The following INO80 variants were observed in gnomAD, a reference collection of about 807,000 sequenced individuals.
INO80 encodes INO80 complex ATPase subunit.
INO80 carries 20 observed loss-of-function variants against 203.4 expected under a neutral mutation model. That is an observed-to-expected ratio of 0.10 (90% CI 0.07 to 0.14). The LOEUF is 0.14. INO80 is among the 10% of genes least tolerant of loss of function. INO80 has a pLI of 1.00. For missense variants in INO80, 1,419 were observed against 1,914.4 expected, an observed-to-expected ratio of 0.74 and a Z score of 4.83; for synonymous variants, 726 against 685.2, an observed-to-expected ratio of 1.06 and a Z score of -0.93.
At chr15:40,992,531 C>G (rs1439886449) in intron 29 of INO80, among the ~76,000 whole-genome samples, 1 of 152,204 alleles carries the variant, frequency 6.6e-6, no homozygotes, top group African/African-American at 2.4e-5. Flanking sequence ...TGATTAATCT[C>G]TTCCTTGTCC....
chr15:41,007,002 A>G (rs1375848377), intron 27 of INO80, among the ~76,000 whole-genome samples: 2 of 152,106 alleles, frequency 1.3e-5, no homozygotes, highest in African/African-American at 2.4e-5. Context: ...AAATGATAGC[A>G]AGATGATGGT....
At chr15:41,055,139 T>A in intron 18 of INO80, 108 bp downstream of exon 18, 1 of 578,714 alleles carries the variant, frequency 1.7e-6, no homozygotes. Flanking sequence ...CCCCGCTGAT[T>A]TGTCTATGTA....
intron 25 of INO80, chr15:41,023,190 C>T (rs920159361): frequency 8.4e-5 from 36 of 430,684 alleles, no homozygotes; most frequent in South Asian, 5.9e-4. Flanking sequence ...TGAGCATGGG[C>T]AAATAAATAT....
intron 28 of INO80, among the ~76,000 whole-genome samples, chr15:41,003,808 C>T (rs2043999657): frequency 6.6e-6 from 1 of 152,154 alleles, no homozygotes; most frequent in South Asian, 2.1e-4. Context: ...ATACCTATTA[C>T]TTAATGGCTT....
chr15:40,993,097 G>A (rs148446659), intron 29 of INO80, among the ~76,000 whole-genome samples: 3 of 152,200 alleles, frequency 2.0e-5, no homozygotes, highest in African/African-American at 7.2e-5. Flanking sequence ...GCCCAGCCTA[G>A]AGCCCCTTTC....
intron 27 of INO80, among the ~76,000 whole-genome samples, chr15:41,007,765 C>A (rs76099662): frequency 6.1e-3 from 822 of 134,280 alleles, no homozygotes; most frequent in Middle Eastern, 0.015. Flanking sequence ...TAAATAGCTT[C>A]AAAAAAAAAA....
At chr15:41,072,124 A>G (rs1190791771) in intron 11 of INO80, 66 bp from the exon 12 acceptor site, 6 of 1,082,720 alleles carry the variant, frequency 5.5e-6, no homozygotes, top group Non-Finnish European at 7.9e-6. Flanking sequence ...TGAAAATAAG[A>G]CTCAAGATAA....
chr15:41,055,851 A>G (rs1368171437), intron 17 of INO80, among the ~76,000 whole-genome samples: 1 of 152,132 alleles, frequency 6.6e-6, no homozygotes, highest in Non-Finnish European at 1.5e-5. Flanking sequence ...TTATTACACA[A>G]GCAAAGTTGA....
At position 41,095,928 on chromosome 15, in the gene INO80, A is replaced by G; in HGVS notation, c.144T>C (p.Ser48=). The G allele has an allele frequency of 1.2e-6, 2 of 1,612,636 alleles. No homozygotes were observed. The highest frequency in any genetic ancestry group is 1.7e-6 in the Non-Finnish European group (2 of 1,178,870). The change falls in exon 3 of 36, where the codon AGT becomes AGC. Residue 48 remains serine (S), a splice_region_variant and synonymous_variant. Transcript: ENST00000648947. ...CATCCAGTCCATCTTCACTGTCATC[A>G]CTATAAATTGAAGAATGAGTCCACA... ...TSAIFNRNIS[S]DDSEDGLDDS... is the part of the protein sequence containing the mutation.
chr15:40,987,762 GTTGGACTTTCTGT>G (rs1451041309), intron 30 of INO80, 41 bp downstream of exon 30: 7 of 1,529,904 alleles, frequency 4.6e-6, no homozygotes, highest in Non-Finnish European at 6.3e-6. Flanking sequence ...AGTCAATGTG[GTTGGACTTTCTGT>G]TTGCTCCACC....
rs1430813307 is a variant in INO80, at chr15:41,072,553, T to C, written c.1396-495A>G. Reference sequence around the variant, plus strand: ...GGCCAACATGGTGAAACCCCGTCTCTACTAAAATAAAAAAAATTAGCTGGG... The same window carrying C: ...GGCCAACATGGTGAAACCCCGTCTCCACTAAAATAAAAAAAATTAGCTGGG... On this transcript the variant is annotated intron_variant, in intron 11 of 35. Coordinates refer to ENST00000648947, the MANE Select transcript of INO80 (RefSeq NM_017553.3). Among the ~76,000 whole-genome samples, 7 of 145,594 alleles carry C rather than the reference T, an allele frequency of 4.8e-5. No homozygotes were observed. The South Asian group carries it at 8.6e-4, about 18-fold the overall frequency.
At chr15:41,110,637 C>T (rs1423982429) in intron 1 of INO80, among the ~76,000 whole-genome samples, 3 of 152,112 alleles carry the variant, frequency 2.0e-5, no homozygotes, top group South Asian at 2.1e-4. Context: ...TGGCATATTG[C>T]CCAGGCTGGT....
intron 1 of INO80, among the ~76,000 whole-genome samples, chr15:41,114,696 G>A (rs568234431): frequency 1.6e-4 from 23 of 146,880 alleles, no homozygotes; most frequent in East Asian, 5.9e-4. Context: ...ACGACAGAGC[G>A]AGACTCAGTC....
intron 14 of INO80, among the ~76,000 whole-genome samples, chr15:41,067,746 C>T (rs1242256590): frequency 6.6e-6 from 1 of 152,140 alleles, no homozygotes; most frequent in Non-Finnish European, 1.5e-5. Flanking sequence ...CTACAGGAAA[C>T]CCATCACTAT....
chr15:41,025,499 G>A (rs1414031840), intron 25 of INO80, among the ~76,000 whole-genome samples: 1 of 152,154 alleles, frequency 6.6e-6, no homozygotes, highest in East Asian at 1.9e-4. Flanking sequence ...AGGATCACAT[G>A]AGGTTAGGAG....
At chr15:41,033,692 G>A (rs1363911220) in intron 24 of INO80, among the ~76,000 whole-genome samples, 1 of 152,052 alleles carries the variant, frequency 6.6e-6, no homozygotes, top group African/African-American at 2.4e-5. Context: ...GCTAGTTTTT[G>A]TTCTACAAAC....
At chr15:40,982,839 G>C (rs1489381365) in intron 35 of INO80, 23 bp downstream of exon 35, 1 of 1,586,152 alleles carries the variant, frequency 6.3e-7, no homozygotes, top group East Asian at 2.2e-5. Flanking sequence ...AACAAAGTCT[G>C]CAGCCACCCT....
chr15:41,010,997 A>C (rs964743423), intron 27 of INO80, among the ~76,000 whole-genome samples: 1 of 152,246 alleles, frequency 6.6e-6, no homozygotes, highest in Non-Finnish European at 1.5e-5. Flanking sequence ...TGACAGCCGT[A>C]ATTCCCTTAT....
chr15:41,061,434 G>A (rs1006088576), intron 14 of INO80, among the ~76,000 whole-genome samples: 11 of 136,658 alleles, frequency 8.0e-5, no homozygotes, highest in African/African-American at 1.7e-4. Flanking sequence ...GTGAAACACC[G>A]TCTCTACCAA....
Sources: gnomAD v4.1 joint callset for allele counts (sites outside exome capture counted in the v4.1 genomes callset) on GRCh38, gnomAD v4.1.1 for gene constraint, MANE v1.5 for transcripts, NCBI Gene and HGNC (gene_info 2026-07-23, HGNC 2026-07-21) for gene names.